Variants in RANBP2 observed in about 807,000 individuals in gnomAD.
RANBP2 encodes E3 SUMO-protein ligase RanBP2.
A neutral mutation model predicts 303.6 loss-of-function variants in RANBP2; 57 were observed. The observed-to-expected ratio is 0.19, with a 90% CI of 0.15 to 0.23. The LOEUF is 0.23. Ranked by LOEUF, RANBP2 falls within the 10% of genes least tolerant of loss-of-function variation. The probability of loss-of-function intolerance (pLI) is 1.00; values close to 1 mark genes in which losing one functional copy is unlikely to be tolerated. For synonymous variants in RANBP2, 1,167 were observed against 1,301.5 expected, an observed-to-expected ratio of 0.90 and a Z score of 2.23; for missense variants, 3,138 against 3,780.8, an observed-to-expected ratio of 0.83 and a Z score of 4.46.
At chr2:109,633,394 AAAAACAAAACAAAAC>A in the RANBP2 span, among the ~76,000 whole-genome samples, 18 of 150,870 alleles carry the variant, frequency 1.2e-4, no homozygotes, top group Admixed American at 8.0e-4. Flanking sequence ...CTCCATCTCA[AAAAACAAAACAAAAC>A]AAAACAAAAC....
chr2:108,914,274 A>G, the RANBP2 span, among the ~76,000 whole-genome samples: 3 of 151,990 alleles, frequency 2.0e-5, no homozygotes, highest in African/African-American at 7.2e-5. Flanking sequence ...AAAAAATAAA[A>G]TAAAAATAAA....
At chr2:109,015,159 A>T in the RANBP2 span, among the ~76,000 whole-genome samples, 2 of 141,048 alleles carry the variant, frequency 1.4e-5, no homozygotes, top group Non-Finnish European at 3.1e-5. Context: ...AAAAAAAAAA[A>T]GATAGTAATA....
chr2:108,896,019 A>G, the RANBP2 span: 2 of 152,272 alleles, frequency 1.3e-5, no homozygotes, highest in African/African-American at 4.8e-5. Flanking sequence ...TGTGTCCTTC[A>G]GCATTGCTGC....
chr2:108,787,024 C>A, downstream of RANBP2: 1 of 592,092 alleles, frequency 1.7e-6, no homozygotes, highest in Non-Finnish European at 2.5e-6. Flanking sequence ...GGTCCCGGCC[C>A]CGGCACTCCC....
chr2:109,019,977 C>A, the RANBP2 span, among the ~76,000 whole-genome samples: 1 of 152,222 alleles, frequency 6.6e-6, no homozygotes, highest in African/African-American at 2.4e-5. Context: ...GTTACAGAGC[C>A]CAGGGAAAAC....
At chr2:109,361,249 G>A in the RANBP2 span, among the ~76,000 whole-genome samples, 1 of 152,106 alleles carries the variant, frequency 6.6e-6, no homozygotes, top group Admixed American at 6.5e-5. Context: ...GAGGATATTT[G>A]CGTTTATGTT....
chr2:109,184,371 A>G, the RANBP2 span, among the ~76,000 whole-genome samples: 1 of 152,234 alleles, frequency 6.6e-6, no homozygotes, highest in Non-Finnish European at 1.5e-5. Context: ...TCCTAGCAGG[A>G]TGAAATGCAG....
At chr2:109,449,861 A>G in the RANBP2 span, among the ~76,000 whole-genome samples, 3 of 152,260 alleles carry the variant, frequency 2.0e-5, no homozygotes, top group Non-Finnish European at 4.4e-5. Flanking sequence ...TAATAAATAT[A>G]CAAATCTACG....
intron 17 of RANBP2, 60 bp downstream of exon 17, chr2:108,755,319 C>T (rs1676221277): frequency 3.1e-6 from 5 of 1,609,380 alleles, no homozygotes; most frequent in Non-Finnish European, 4.2e-6. Flanking sequence ...CCTGGCCACT[C>T]TCTCACTTTT....
At chr2:108,727,207 C>T (rs1161011233) in intron 1 of RANBP2, among the ~76,000 whole-genome samples, 5 of 152,026 alleles carry the variant, frequency 3.3e-5, no homozygotes, top group South Asian at 2.1e-4. Context: ...CCAGTAGGGG[C>T]GGCCGGGCAG....
chr2:108,791,885 C>T, the RANBP2 span: 1 of 1,337,212 alleles, frequency 7.5e-7, no homozygotes, highest in Admixed American at 2.5e-5. Context: ...AGTAATAACA[C>T]TGGCCCCCAA....
the RANBP2 span, among the ~76,000 whole-genome samples, chr2:109,320,727 A>G: frequency 8.4e-3 from 1,275 of 152,342 alleles, 15 homozygotes; most frequent in East Asian, 0.044. Flanking sequence ...AGATGAACAG[A>G]CAAGTAAACA....
chr2:109,209,406 A>G, the RANBP2 span, among the ~76,000 whole-genome samples: 1 of 152,126 alleles, frequency 6.6e-6, no homozygotes, highest in Non-Finnish European at 1.5e-5. Flanking sequence ...GTCCATTTCC[A>G]GGGTGTAAAC....
At chr2:109,257,414 G>GGGAA in the RANBP2 span, among the ~76,000 whole-genome samples, 1 of 151,784 alleles carries the variant, frequency 6.6e-6, no homozygotes, top group Admixed American at 6.6e-5. Context: ...AAGGGAAGGA[G>GGGAA]GGAAGGAAGG....
At chr2:108,761,060 T>G (rs1673710141) in intron 18 of RANBP2, among the ~76,000 whole-genome samples, 1 of 150,642 alleles carries the variant, frequency 6.6e-6, no homozygotes, top group Admixed American at 6.7e-5. Context: ...CCGCACAGTT[T>G]AGAGTCAGTA....
At chr2:109,350,760 G>A in the RANBP2 span, among the ~76,000 whole-genome samples, 5 of 152,358 alleles carry the variant, frequency 3.3e-5, 1 homozygote, top group Middle Eastern at 6.8e-3. Context: ...CAGACCTCCA[G>A]GAACCAAATG....
the RANBP2 span, among the ~76,000 whole-genome samples, chr2:109,211,861 T>G: frequency 2.0e-5 from 3 of 152,172 alleles, no homozygotes. Context: ...CAGGCTGGTT[T>G]CAAACTCTGG....
rs573681717 is a variant in RANBP2, at chr2:108,727,747, G to C, written c.73-1385G>C. On this transcript the variant is annotated intron_variant, in intron 1 of 28. Coordinates refer to ENST00000283195, the MANE Select transcript of RANBP2 (RefSeq NM_006267.5). ...CCTCCCAAGCAGTGGGGATTACAGG[G>C]GTGTGCCACCATGCCCAGCTAATTT... Among the ~76,000 whole-genome samples the C allele has an allele frequency of 3.2e-3, 493 of 151,910 alleles. 2 individuals are homozygous for C. The highest frequency in any genetic ancestry group is 3.0e-3 in the Non-Finnish European group (207 of 67,968).
At chr2:108,833,894 A>AT in the RANBP2 span, among the ~76,000 whole-genome samples, 49,952 of 79,158 alleles carry the variant, frequency 0.63, 15,369 homozygotes, top group East Asian at 0.81. Flanking sequence ...CGCCCGGCTA[A>AT]TTTTTTTTTT....
Sources: allele counts gnomAD v4.1 joint callset (sites outside exome capture counted in the v4.1 genomes callset), GRCh38; gene constraint gnomAD v4.1.1; transcripts MANE v1.5; gene names NCBI Gene and HGNC (gene_info 2026-07-23, HGNC 2026-07-21).